Variants in ME1 observed in about 807,000 individuals in gnomAD.
ME1 encodes malic enzyme 1.
In ME1, 74 loss-of-function variants were observed where a neutral mutation model predicts 66.4. That is an observed-to-expected ratio of 1.11 (90% CI 0.92 to 1.35). ME1 has a LOEUF of 1.35. ME1 is among the 40% of genes most tolerant of loss of function. ME1 has a pLI of 0.00. For missense variants in ME1, 750 were observed against 694.1 expected, an observed-to-expected ratio of 1.08 and a Z score of -0.90; for synonymous variants, 251 against 235.6, an observed-to-expected ratio of 1.07 and a Z score of -0.60.
intron 3 of ME1, among the ~76,000 whole-genome samples, chr6:83,393,562 G>A (rs1385569956): frequency 4.0e-5 from 6 of 148,886 alleles, no homozygotes; most frequent in African/African-American, 1.5e-4. Flanking sequence ...GGAGCCGAGG[G>A]AGCCCCACCT....
At chr6:83,413,703 T>C (rs1422240626) in intron 1 of ME1, among the ~76,000 whole-genome samples, 3 of 152,166 alleles carry the variant, frequency 2.0e-5, no homozygotes, top group African/African-American at 7.2e-5. Context: ...TGATACTAAT[T>C]TGCCCTGAAC....
intron 6 of ME1, among the ~76,000 whole-genome samples, chr6:83,280,463 A>C (rs1767266607): frequency 6.6e-6 from 1 of 152,298 alleles, no homozygotes; most frequent in Admixed American, 6.5e-5. Flanking sequence ...GCAACCAATA[A>C]ACATTTTTTA....
At chr6:83,415,813 C>T (rs921609188) in intron 1 of ME1, among the ~76,000 whole-genome samples, 3 of 152,136 alleles carry the variant, frequency 2.0e-5, no homozygotes, top group African/African-American at 7.2e-5. Context: ...TACATATCAG[C>T]ATAAGTGCCA....
Position 83,243,614 on chromosome 6 carries a change from TCGA to T in ME1, c.815-3981_815-3979del, listed in dbSNP as rs1562457581. Among the ~76,000 whole-genome samples the T allele has an allele frequency of 6.5e-3, 617 of 95,504 alleles. 30 individuals are homozygous for T. The highest frequency in any genetic ancestry group is 0.022 in the African/African-American group (408 of 18,310). 62.7% of individuals were successfully genotyped at this position (95,504 alleles called of 152,430 possible). On this transcript the variant is annotated intron_variant, in intron 7 of 13. Transcript: ENST00000369705. Reference sequence around the variant, plus strand: ...TATAATCTATTATAATTACATTATATCGATATAATCTATTATAATTACATTATA... The same window carrying T: ...TATAATCTATTATAATTACATTATATTATAATCTATTATAATTACATTATA...
chr6:83,430,887 T>C lies in ME1; in HGVS notation c.68A>G (p.His23Arg). ...GGCCTGCGGGTTTACCTTGTTGAGG[T>C]GAGGGTTCCGTGTCAGCAGGTAGCC... ...QRGYLLTRNP[H>R]LNKDLAFTLE... is the part of the protein sequence containing the mutation. Residue 23 changes from histidine to arginine, a missense_variant, in exon 1 of 14, where the codon CAC becomes CGC. His to Arg is a conservative substitution (Grantham distance 29). Coordinates refer to ENST00000369705, the MANE Select transcript of ME1 (RefSeq NM_002395.6). 6.2e-7 allele frequency: 1 copy of C among 1,602,234 alleles called. No individual in the cohort carries two copies. The highest frequency in any genetic ancestry group is 8.5e-7 in the Non-Finnish European group (1 of 1,174,794).
At chr6:83,258,681 C>T (rs1200604419) in intron 6 of ME1, among the ~76,000 whole-genome samples, 2 of 152,126 alleles carry the variant, frequency 1.3e-5, no homozygotes, top group East Asian at 1.9e-4. Flanking sequence ...TCATACTTTA[C>T]AGGGATTATC....
intron 6 of ME1, among the ~76,000 whole-genome samples, chr6:83,314,578 A>G (rs901554032): frequency 6.6e-6 from 1 of 152,180 alleles, no homozygotes; most frequent in East Asian, 1.9e-4. Context: ...AATTATTTAA[A>G]CTTTTGCATA....
In ME1 at chr6:83,237,380, G is replaced by A. The variant is rs1221523976; in HGVS notation, c.1026+337C>T. Among the ~76,000 whole-genome samples the A allele has an allele frequency of 4.1e-5, 5 of 123,266 alleles. No homozygotes were observed. In the East Asian group the frequency reaches 1.2e-3, roughly 30 times the overall value. The allele number at this position is 123,266 out of a possible 152,430, so 80.9% of individuals were successfully genotyped here. On this transcript the variant is annotated intron_variant, in intron 9 of 13. Transcript: ENST00000369705. ...GAAAGAAAGAAAGAAAGAAAAGGAA[G>A]GAAAGGAAGGAAGGAAGGAAAGAAA...
At chr6:83,256,575 G>A (rs904793068) in intron 6 of ME1, among the ~76,000 whole-genome samples, 2 of 152,094 alleles carry the variant, frequency 1.3e-5, no homozygotes, top group African/African-American at 4.8e-5. Context: ...AAATAGGAAC[G>A]CTTTTACACT....
At chr6:83,237,340 GGAAA>G (rs1435945991) in intron 9 of ME1, among the ~76,000 whole-genome samples, 1 of 118,998 alleles carries the variant, frequency 8.4e-6, no homozygotes, top group Non-Finnish European at 1.7e-5. Flanking sequence ...AAGGAAGGAA[GGAAA>G]GAAAGAAAAA....
At chr6:83,271,324 G>T (rs950995758) in intron 6 of ME1, among the ~76,000 whole-genome samples, 27 of 152,128 alleles carry the variant, frequency 1.8e-4, no homozygotes, top group African/African-American at 6.3e-4. Flanking sequence ...TTTTCCTGGG[G>T]TGGCTCTATC....
At chr6:83,382,237 C>T (rs1310139846) in intron 3 of ME1, among the ~76,000 whole-genome samples, 2 of 152,028 alleles carry the variant, frequency 1.3e-5, no homozygotes, top group East Asian at 3.8e-4. Flanking sequence ...CCTGTAAATT[C>T]CACAAATGCA....
At chr6:83,220,073 A>G (rs1018446389) in intron 12 of ME1, among the ~76,000 whole-genome samples, 4 of 152,156 alleles carry the variant, frequency 2.6e-5, no homozygotes, top group Non-Finnish European at 5.9e-5. Flanking sequence ...TGTGTATTCC[A>G]CCTATAAACA....
chr6:83,394,914 G>C (rs1385871877), intron 3 of ME1, among the ~76,000 whole-genome samples: 2 of 151,968 alleles, frequency 1.3e-5, no homozygotes, highest in Non-Finnish European at 2.9e-5. Flanking sequence ...TTTCATTTAA[G>C]GGAAAGAACA....
intron 3 of ME1, among the ~76,000 whole-genome samples, chr6:83,369,123 C>T (rs1336676200): frequency 6.6e-6 from 1 of 151,962 alleles, no homozygotes; most frequent in African/African-American, 2.4e-5. Flanking sequence ...AATTTTTTCC[C>T]ACTCTTCCTT....
chr6:83,275,850 G>C (rs1767171311), intron 6 of ME1, among the ~76,000 whole-genome samples: 1 of 126,940 alleles, frequency 7.9e-6, no homozygotes, highest in Non-Finnish European at 1.5e-5. Flanking sequence ...TCGGCTCACT[G>C]CAACCTCCGC....
At chr6:83,289,783 G>A (rs1358460933) in intron 6 of ME1, among the ~76,000 whole-genome samples, 2 of 152,062 alleles carry the variant, frequency 1.3e-5, no homozygotes, top group Admixed American at 1.3e-4. Context: ...TGGTTGGTAG[G>A]CTATTAATTA....
intron 3 of ME1, among the ~76,000 whole-genome samples, chr6:83,371,470 C>A (rs1389959252): frequency 1.3e-5 from 2 of 152,144 alleles, no homozygotes; most frequent in Non-Finnish European, 2.9e-5. Flanking sequence ...AGGAATAGGC[C>A]TATATAAACC....
intron 7 of ME1, 24 bp from the exon 8 acceptor site, chr6:83,239,660 T>C (rs753820374): frequency 2.6e-6 from 4 of 1,519,314 alleles, no homozygotes; most frequent in East Asian, 4.5e-5. Context: ...TAAATATCCT[T>C]GAGTAATCCT....
Sources: gnomAD v4.1 joint callset for allele counts (sites outside exome capture counted in the v4.1 genomes callset) on GRCh38, gnomAD v4.1.1 for gene constraint, MANE v1.5 for transcripts, NCBI Gene and HGNC (gene_info 2026-07-23, HGNC 2026-07-21) for gene names.